UBAC2: variants seen among roughly 807,000 people sequenced by gnomAD.
UBAC2 encodes the protein UBA domain containing 2.
UBAC2 carries 26 observed loss-of-function variants against 44.0 expected under a neutral mutation model. The observed-to-expected ratio is 0.59, with a 90% confidence interval of 0.43 to 0.82. UBAC2 has a LOEUF of 0.82. Among genes scored for constraint, UBAC2 ranks in the 40% least tolerant of loss-of-function variants. The probability of loss-of-function intolerance (pLI) is 0.00; values close to 1 mark genes in which losing one functional copy is unlikely to be tolerated. For missense variants in UBAC2, 329 were observed against 419.4 expected (o/e 0.78, Z 1.88); for synonymous variants, 155 against 154.3 (o/e 1.00, Z -0.04).
chr13:99,318,177 T>G, intron 6 of UBAC2, 108 bp downstream of exon 6: 1 of 877,330 alleles, frequency 1.1e-6, no homozygotes, highest in Non-Finnish European at 1.6e-6. Flanking sequence ...TCACCATTCT[T>G]TTTTTTTGAG....
At position 99,212,638 on chromosome 13, in the gene UBAC2, A is replaced by G. The variant is rs143024622; in HGVS notation, c.31+11699A>G. ...TTTGACTTTATTAACTCTGTTTCTA[A>G]GATTTATTGGGGGACATAAAATATA... On this transcript the variant is annotated intron_variant, in intron 1 of 8. Coordinates refer to ENST00000403766, the MANE Select transcript of UBAC2 (RefSeq NM_001144072.2). 5.4e-4 allele frequency among the ~76,000 whole-genome samples: 83 copies of G among 152,356 alleles called. 3 individuals carry two copies. In the East Asian group the frequency reaches 0.016, roughly 29 times the overall value.
chr13:99,377,283 C>G (rs1195460051), intron 8 of UBAC2: 2 of 152,322 alleles, frequency 1.3e-5, no homozygotes, highest in East Asian at 3.8e-4. Context: ...CATGCAAGTA[C>G]CTAGTGCCAG....
chr13:99,348,088 T>A (rs530404901), intron 7 of UBAC2, among the ~76,000 whole-genome samples: 1 of 152,296 alleles, frequency 6.6e-6, no homozygotes, highest in South Asian at 2.1e-4. Flanking sequence ...GCAGCTGTGA[T>A]CATCTTTACA....
chr13:99,281,295 A>G (rs932694427), intron 4 of UBAC2, among the ~76,000 whole-genome samples: 3 of 152,034 alleles, frequency 2.0e-5, no homozygotes, highest in Non-Finnish European at 2.9e-5. Flanking sequence ...TTAAGGATTG[A>G]AATGTGGACT....
At chr13:99,263,521 T>G (rs2043698100) in intron 4 of UBAC2, among the ~76,000 whole-genome samples, 1 of 152,194 alleles carries the variant, frequency 6.6e-6, no homozygotes, top group Non-Finnish European at 1.5e-5. Context: ...GGCAAGGATG[T>G]TGAGTGATGA....
intron 7 of UBAC2, among the ~76,000 whole-genome samples, chr13:99,366,913 A>G (rs1322654588): frequency 6.6e-6 from 1 of 152,194 alleles, no homozygotes; most frequent in African/African-American, 2.4e-5. Flanking sequence ...TTTATCTATT[A>G]ATAGCATTTT....
intron 2 of UBAC2, among the ~76,000 whole-genome samples, chr13:99,240,162 A>T (rs533726704): frequency 6.6e-6 from 1 of 152,304 alleles, no homozygotes; most frequent in South Asian, 2.1e-4. Context: ...TTGGCAGTGA[A>T]TGCAGAGGTA....
intron 7 of UBAC2, among the ~76,000 whole-genome samples, chr13:99,349,138 A>G (rs2045038125): frequency 6.6e-6 from 1 of 152,156 alleles, no homozygotes; most frequent in African/African-American, 2.4e-5. Context: ...CTCCAGATCA[A>G]TTACTGGAGT....
In UBAC2 at chr13:99,301,604, A is replaced by G. The variant is rs536146201; in HGVS notation, c.390-12493A>G. On this transcript the variant is annotated intron_variant, in intron 4 of 8. Coordinates refer to ENST00000403766, the MANE Select transcript of UBAC2 (RefSeq NM_001144072.2). ...TCATCTCATTTTTGCATAACCGGAC[A>G]TGTTGACATGAACTGACAGGTTCTT... 2.6e-5 allele frequency among the ~76,000 whole-genome samples: 4 copies of G among 152,280 alleles called. No individual in the cohort carries two copies. In the East Asian group the frequency reaches 7.7e-4, roughly 29 times the overall value.
rs148755055 is a variant in UBAC2 at position 99,361,387 on chromosome 13, G to A, written c.808-6400G>A. On this transcript the variant is annotated intron_variant, in intron 7 of 8. Coordinates refer to ENST00000403766, the MANE Select transcript of UBAC2 (RefSeq NM_001144072.2). ...TCAAAACATCCTAGAACCTAGAGCC[G>A]TAACTTTCTGCTTTTTAAGCACTTT... is the stretch of plus-strand genomic sequence containing the variant. 2.9e-3 allele frequency among the ~76,000 whole-genome samples: 449 copies of A among 152,254 alleles called. 2 individuals are homozygous for A. The highest frequency in any genetic ancestry group is 0.01 in the African/African-American group (433 of 41,554).
intron 6 of UBAC2, among the ~76,000 whole-genome samples, chr13:99,333,955 T>TA (rs1175759611): frequency 6.6e-6 from 1 of 152,016 alleles, no homozygotes; most frequent in Non-Finnish European, 1.5e-5. Context: ...AAACCTGATT[T>TA]AAAAAAAATT....
intron 1 of UBAC2, among the ~76,000 whole-genome samples, chr13:99,213,209 AC>A (rs1253686394): frequency 1.4e-5 from 2 of 145,422 alleles, no homozygotes; most frequent in Non-Finnish European, 3.1e-5. Context: ...AATGATTATA[AC>A]TTTTTTTTTC....
chr13:99,237,271 T>TATACAC lies in UBAC2; in HGVS notation c.32-1155_32-1154insTACACA, dbSNP rs374683969. ...TTTTATGCGTATATATATATATATA[T>TATACAC]ACACACACACACACACACACACACA... is the stretch of plus-strand genomic sequence containing the variant. On this transcript the variant is annotated intron_variant, in intron 1 of 8. Coordinates refer to ENST00000403766, the MANE Select transcript of UBAC2 (RefSeq NM_001144072.2). Among the ~76,000 whole-genome samples the TATACAC allele has an allele frequency of 2.2e-3, 317 of 145,020 alleles. 1 individual carries two copies. The highest frequency in any genetic ancestry group is 7.6e-3 in the African/African-American group (297 of 39,270).
chr13:99,203,707 A>G (rs762518104), intron 1 of UBAC2, among the ~76,000 whole-genome samples: 9 of 152,228 alleles, frequency 5.9e-5, no homozygotes, highest in Non-Finnish European at 8.8e-5. Context: ...CATGAAGACA[A>G]TGAGAGGGTA....
chr13:99,235,932 G>C (rs947892720), intron 1 of UBAC2, among the ~76,000 whole-genome samples: 4 of 152,032 alleles, frequency 2.6e-5, no homozygotes, highest in Non-Finnish European at 4.4e-5. Flanking sequence ...CATGCTGCTG[G>C]ACTCCAGCTT....
chr13:99,239,652 G>T (rs2142728935), intron 2 of UBAC2, among the ~76,000 whole-genome samples: 1 of 152,314 alleles, frequency 6.6e-6, no homozygotes, highest in East Asian at 1.9e-4. Context: ...CACTCTGTGG[G>T]CATCTGTGCT....
intron 4 of UBAC2, among the ~76,000 whole-genome samples, chr13:99,280,252 A>G (rs1471978363): frequency 1.1e-4 from 17 of 152,156 alleles, no homozygotes; most frequent in Admixed American, 1.1e-3. Flanking sequence ...GCTCCAGCCA[A>G]TCTTCCCAGC....
chr13:99,216,045 AAG>A (rs1460035179), intron 1 of UBAC2, among the ~76,000 whole-genome samples: 1 of 151,956 alleles, frequency 6.6e-6, no homozygotes, highest in Non-Finnish European at 1.5e-5. Flanking sequence ...TTTGCCATTA[AAG>A]GTAAAATGGC....
rs774946573 is a variant in UBAC2 at position 99,314,107 on chromosome 13, G to A, written c.400G>A (p.Val134Met). 6.2e-7 allele frequency: 1 copy of A among 1,609,346 alleles called. No individual in the cohort carries two copies. Among genetic ancestry groups the A allele is most frequent in the Non-Finnish European group, 8.5e-7 (1 of 1,178,672 alleles). Residue 134 changes from valine to methionine, a missense_variant, in exon 5 of 9, where the codon GTG becomes ATG. Coordinates refer to ENST00000403766, the MANE Select transcript of UBAC2 (RefSeq NM_001144072.2). ...TATTTGTTTGCATAGCCTGGCACCT[G>A]TGTTTGCTCTGTTTGTACCATTTTA... The part of the protein sequence containing the change: ...SNLPSGFLAP[V>M]FALFVPFYCS...
Sources: allele counts gnomAD v4.1 joint callset (sites outside exome capture counted in the v4.1 genomes callset), GRCh38; gene constraint gnomAD v4.1.1; transcripts MANE v1.5; gene names NCBI Gene and HGNC (gene_info 2026-07-23, HGNC 2026-07-21).